Variants in PTPRN2 observed in about 807,000 individuals in gnomAD.
PTPRN2 encodes the protein protein tyrosine phosphatase receptor type N2.
Under a neutral mutation model 118.8 loss-of-function variants are expected in PTPRN2, and 74 were observed. That is an observed-to-expected ratio of 0.62 (90% CI 0.52 to 0.76). The LOEUF (loss-of-function observed/expected upper bound fraction) is 0.76. PTPRN2 is among the 30% of genes least tolerant of loss of function. The pLI is 0.00. For synonymous variants in PTPRN2, 641 were observed against 608.0 expected (o/e 1.05, Z -0.80); for missense variants, 1,481 against 1,394.4 (o/e 1.06, Z -0.99).
intron 1 of PTPRN2, among the ~76,000 whole-genome samples, chr7:158,491,176 A>G (rs1821416052): frequency 6.6e-6 from 1 of 152,240 alleles, no homozygotes; most frequent in Admixed American, 6.5e-5. Context: ...AAGGCAGCAC[A>G]GAGCCTAGCA....
chr7:158,454,184 C>T (rs1733172), intron 2 of PTPRN2, among the ~76,000 whole-genome samples: 46,142 of 133,902 alleles, frequency 0.34, 2,862 homozygotes, highest in Non-Finnish European at 0.35. Flanking sequence ...CAAGACACAA[C>T]GCACACAATC....
chr7:158,333,385 G>A (rs1193404044), intron 2 of PTPRN2, among the ~76,000 whole-genome samples: 1 of 136,786 alleles, frequency 7.3e-6, no homozygotes, highest in African/African-American at 2.9e-5. Context: ...CGCACCATAA[G>A]AGGTGACACC....
intron 14 of PTPRN2, among the ~76,000 whole-genome samples, chr7:157,637,097 C>T (rs1030148368): frequency 2.0e-5 from 3 of 152,186 alleles, no homozygotes; most frequent in African/African-American, 7.2e-5. Context: ...AATCAATACA[C>T]ATTCCTTATT....
At chr7:158,276,444 C>T (rs1355039081) in intron 3 of PTPRN2, among the ~76,000 whole-genome samples, 2 of 142,046 alleles carry the variant, frequency 1.4e-5, no homozygotes, top group Non-Finnish European at 3.1e-5. Context: ...CACCCCCACA[C>T]CCCGGCCCCA....
chr7:158,473,491 G>C (rs1288126676), intron 2 of PTPRN2, among the ~76,000 whole-genome samples: 1 of 152,214 alleles, frequency 6.6e-6, no homozygotes, highest in African/African-American at 2.4e-5. Flanking sequence ...CTGCGTATCA[G>C]AGACCTCCAA....
At chr7:158,250,312 C>T (rs10949703) in intron 3 of PTPRN2, among the ~76,000 whole-genome samples, 120,616 of 152,052 alleles carry the variant, frequency 0.79, 48,113 homozygotes, top group African/African-American at 0.86. Flanking sequence ...CCTACTGTTG[C>T]ATAATTTTCA....
At chr7:158,089,536 T>C (rs376418741) in intron 10 of PTPRN2, among the ~76,000 whole-genome samples, 2 of 120,770 alleles carry the variant, frequency 1.7e-5, no homozygotes, top group African/African-American at 8.0e-5. Context: ...CTTCCCCTGA[T>C]GAAAGAGGGA....
chr7:158,246,821 G>C (rs761894633), intron 3 of PTPRN2, among the ~76,000 whole-genome samples: 1 of 152,014 alleles, frequency 6.6e-6, no homozygotes, highest in Non-Finnish European at 1.5e-5. Flanking sequence ...TGGTCATGCC[G>C]GAATCCACTG....
At chr7:158,018,424 C>T (rs1292745304) in intron 11 of PTPRN2, among the ~76,000 whole-genome samples, 5 of 152,184 alleles carry the variant, frequency 3.3e-5, no homozygotes, top group Admixed American at 2.6e-4. Flanking sequence ...CTGTTTGTGA[C>T]GTAGAAAACC....
chr7:158,270,822 C>CCACCTGGACCACCCCG (rs1491357930), intron 3 of PTPRN2, among the ~76,000 whole-genome samples: 2 of 10,332 alleles, frequency 1.9e-4, no homozygotes, highest in African/African-American at 4.2e-4. Flanking sequence ...GGACCGCCCC[C>CCACCTGGACCACCCCG]TCCACCTGGA....
At chr7:157,571,572 G>T in intron 19 of PTPRN2, 79 bp from the exon 20 acceptor site, 4 of 1,082,636 alleles carry the variant, frequency 3.7e-6, no homozygotes, top group Non-Finnish European at 5.5e-6. Context: ...AAAACAAAGC[G>T]CAAGGTCTGT....
At chr7:158,220,338 A>G (rs116226113) in intron 3 of PTPRN2, among the ~76,000 whole-genome samples, 2,560 of 152,268 alleles carry the variant, frequency 0.017, 37 homozygotes, top group South Asian at 0.055. Context: ...GGCAAGGGAA[A>G]GAAATAAAAG....
rs1826325137 is a variant in PTPRN2 at position 158,546,934 on chromosome 7, C to T, written c.112+40624G>A. Among the ~76,000 whole-genome samples the T allele has an allele frequency of 6.6e-6, 1 of 152,178 alleles. No individual in the cohort carries two copies. Among genetic ancestry groups the T allele is most frequent in the South Asian group, 2.1e-4 (1 of 4,830 alleles). ...GGGGCAGGGCTGGGGGACAGCCCAG[C>T]CATCTTCAGGGCCCCAGGTGAGGCC... On this transcript the variant is annotated intron_variant, in intron 1 of 22. Coordinates refer to ENST00000389418, the MANE Select transcript of PTPRN2 (RefSeq NM_002847.5). The surrounding 1 kb of genome is among the most constrained non-coding windows in gnomAD (Gnocchi z 5.0).
At chr7:157,692,671 G>A (rs1796274) in intron 12 of PTPRN2, among the ~76,000 whole-genome samples, 8,784 of 152,302 alleles carry the variant, frequency 0.058, 382 homozygotes, top group East Asian at 0.24. Flanking sequence ...GCAGGCCTGA[G>A]CGGGCTGCAG....
intron 11 of PTPRN2, among the ~76,000 whole-genome samples, chr7:158,041,061 C>T (rs1808430435): frequency 6.6e-6 from 1 of 152,198 alleles, no homozygotes; most frequent in Non-Finnish European, 1.5e-5. Flanking sequence ...TTAAAAGAAG[C>T]TCTTCTGACA....
intron 2 of PTPRN2, among the ~76,000 whole-genome samples, chr7:158,472,914 G>T (rs1024645222): frequency 2.0e-5 from 3 of 152,062 alleles, no homozygotes; most frequent in African/African-American, 7.2e-5. Context: ...TGCAAATCAG[G>T]TCCCAAATGC....
intron 3 of PTPRN2, among the ~76,000 whole-genome samples, chr7:158,263,017 C>G (rs1056717333): frequency 1.4e-4 from 20 of 147,244 alleles, no homozygotes; most frequent in African/African-American, 5.1e-4. Context: ...CATTCACACA[C>G]AGTGCACACA....
At chr7:157,948,083 G>A (rs1432375226) in intron 11 of PTPRN2, among the ~76,000 whole-genome samples, 1 of 152,212 alleles carries the variant, frequency 6.6e-6, no homozygotes, top group Non-Finnish European at 1.5e-5. Context: ...GCAGGTCATT[G>A]AGGCTGAAAT....
At chr7:158,124,330 C>T (rs1474421467) in intron 9 of PTPRN2, among the ~76,000 whole-genome samples, 1 of 152,204 alleles carries the variant, frequency 6.6e-6, no homozygotes, top group Non-Finnish European at 1.5e-5. Flanking sequence ...AGACCTGGGC[C>T]TGGTTTACAG....
Sources: gnomAD v4.1 joint callset for allele counts (sites outside exome capture counted in the v4.1 genomes callset) on GRCh38, gnomAD v4.1.1 for gene constraint, Gnocchi (gnomAD v3.1) non-coding constraint, MANE v1.5 for transcripts, NCBI Gene and HGNC (gene_info 2026-07-23, HGNC 2026-07-21) for gene names.